Variants in MED22 observed in about 807,000 individuals in gnomAD.
MED22 encodes mediator of RNA polymerase II transcription subunit 22.
In MED22, 22 loss-of-function variants were observed where a neutral mutation model predicts 22.7. The observed-to-expected ratio is 0.97, with a 90% CI of 0.69 to 1.38. The LOEUF (loss-of-function observed/expected upper bound fraction) is 1.38, where lower values mean the gene tolerates loss of function less well. Among genes scored for constraint, MED22 ranks in the 40% most tolerant of loss-of-function variants. The pLI is 0.00. For synonymous variants in MED22, 134 were observed against 119.4 expected (o/e 1.12, Z -0.80); for missense variants, 247 against 263.0 (o/e 0.94, Z 0.42).
chr9:133,342,520 AGGC>A, intron 4 of MED22: 2 of 986,744 alleles, frequency 2.0e-6, no homozygotes, highest in Non-Finnish European at 2.4e-6. Context: ...GAGAGGGGGC[AGGC>A]GAGCACAGAG....
intron 3 of MED22, among the ~76,000 whole-genome samples, chr9:133,344,908 C>T (rs1836136789): frequency 6.6e-6 from 1 of 152,242 alleles, no homozygotes; most frequent in Non-Finnish European, 1.5e-5. Context: ...TGCACGGCTA[C>T]AGGACGGGCA....
At position 133,338,843 on chromosome 9, in the gene MED22, T is replaced by C. The variant is rs1303748598; in HGVS notation, c.*2662A>G. The C allele has an allele frequency of 2.5e-6, 1 of 406,312 alleles. No individual in the cohort carries two copies. Among genetic ancestry groups the C allele is most frequent in the Non-Finnish European group, 4.8e-6 (1 of 209,834 alleles). The allele number at this position is 406,312 out of a possible 1,614,324, so 25.2% of individuals were successfully genotyped here. A position where few individuals can be genotyped will look rare whatever the true frequency, so the allele number is the denominator to read the frequency against. On this transcript the variant is annotated 3_prime_UTR_variant, in exon 5 of 5. Coordinates refer to ENST00000343730, the MANE Select transcript of MED22 (RefSeq NM_133640.5). ...ATCCACCCGCTTTGGCTTCTCAAAG[T>C]GCTGGGATTACAGCAGGAGCCACTG...
rs1285087282 is a variant in MED22, at chr9:133,347,922, C to A, written c.-39G>T. 3 of 223,190 alleles carry A rather than the reference C, an allele frequency of 1.3e-5. No homozygotes were observed. The highest frequency in any genetic ancestry group is 2.7e-5 in the Non-Finnish European group (3 of 110,770). 13.8% of individuals were successfully genotyped at this position (223,190 alleles called of 1,614,324 possible). ...CCCACCCCCCACCACACCCTCATAC[C>A]CGCCCCAGCGCCCGCACACCAGACG... On this transcript the variant is annotated splice_region_variant and 5_prime_UTR_variant, in exon 1 of 5. Transcript: ENST00000343730.
chr9:133,341,893 C>T (rs1040339854), intron 4 of MED22, 199 bp from the exon 5 acceptor site: 29 of 1,359,448 alleles, frequency 2.1e-5, no homozygotes, highest in Admixed American at 4.0e-5. Context: ...TGAGAGCCAC[C>T]CTAGCATTCT....
At chr9:133,341,893 C>G in intron 4 of MED22, 199 bp from the exon 5 acceptor site, 2 of 1,359,566 alleles carry the variant, frequency 1.5e-6, no homozygotes, top group African/African-American at 1.5e-5. Flanking sequence ...TGAGAGCCAC[C>G]CTAGCATTCT....
chr9:133,342,363 G>A (rs1314854871), intron 4 of MED22: 54 of 986,092 alleles, frequency 5.5e-5, no homozygotes, highest in Admixed American at 1.2e-4. Flanking sequence ...GCAGGCAGGG[G>A]CCCTGGCTTT....
intron 4 of MED22, chr9:133,343,056 C>A (rs1309208115): frequency 2.0e-6 from 2 of 990,102 alleles, no homozygotes; most frequent in Non-Finnish European, 2.4e-6. Context: ...TGCCTCATGT[C>A]TGCTGAGTTA....
At chr9:133,344,598 G>A (rs1836127668) in intron 3 of MED22, among the ~76,000 whole-genome samples, 1 of 152,222 alleles carries the variant, frequency 6.6e-6, no homozygotes, top group Non-Finnish European at 1.5e-5. Flanking sequence ...CAATTATGCA[G>A]GTGTACATTC....
At chr9:133,342,068 T>A in intron 4 of MED22, 6 of 1,093,874 alleles carry the variant, frequency 5.5e-6, no homozygotes, top group Non-Finnish European at 6.7e-6. Flanking sequence ...CCCTCCTCCC[T>A]GACTGCAGAA....
rs2129958039 is a variant in MED22, at chr9:133,343,808, A to C, written c.413+317T>G. ...GCACAGCCCCAGAACGCACTGCCCG[A>C]GGAGGAAGGCTCTCGGAAGAGGGCC... On this transcript the variant is annotated intron_variant, in intron 4 of 4. Transcript: ENST00000343730. 7.7e-4 allele frequency: 1,077 copies of C among 1,398,636 alleles called. 2 individuals are homozygous for C. Among genetic ancestry groups the C allele is most frequent in the Middle Eastern group, 2.1e-3 (8 of 3,790 alleles). 86.6% of individuals were successfully genotyped at this position (1,398,636 alleles called of 1,614,324 possible). A position where few individuals can be genotyped will look rare whatever the true frequency, so the allele number is the denominator to read the frequency against.
chr9:133,347,656 G>T (rs1836228106), intron 1 of MED22: 1 of 152,160 alleles, frequency 6.6e-6, no homozygotes, highest in African/African-American at 2.4e-5. Flanking sequence ...CGGCCTCGGC[G>T]CTGGAGTTGC....
intron 4 of MED22, chr9:133,342,909 C>A: frequency 1.0e-6 from 1 of 985,676 alleles, no homozygotes. Context: ...AGGCCCACAG[C>A]TGCTCTGTGC....
At position 133,340,129 on chromosome 9, in the gene MED22, C is replaced by T. The variant is rs1331334465; in HGVS notation, c.*1376G>A. On this transcript the variant is annotated 3_prime_UTR_variant, in exon 5 of 5. Coordinates refer to ENST00000343730, the MANE Select transcript of MED22 (RefSeq NM_133640.5). ...AGTGGTTAAGTACAAGGCATTTCCA[C>T]AGCTAAAATAGTGCGGGAACAGATC... 1 of 152,254 alleles carries T rather than the reference C, an allele frequency of 6.6e-6. No homozygotes were observed. Among genetic ancestry groups the T allele is most frequent in the African/African-American group, 2.4e-5 (1 of 41,428 alleles). 9.4% of individuals were successfully genotyped at this position (152,254 alleles called of 1,614,324 possible).
At chr9:133,346,484 C>T (rs1836182772) in intron 2 of MED22, 56 bp downstream of exon 2, 5 of 1,605,262 alleles carry the variant, frequency 3.1e-6, no homozygotes, top group East Asian at 2.2e-5. Context: ...CCTGGCCTCT[C>T]CTGTCTCCAC....
Position 133,345,204 on chromosome 9 carries a change from T to C in MED22, c.172A>G (p.Asn58Asp). 6.2e-7 allele frequency: 1 copy of C among 1,614,004 alleles called. No homozygotes were observed. Among genetic ancestry groups the C allele is most frequent in the South Asian group, 1.1e-5 (1 of 91,066 alleles). ...VSRATQGEQD[N>D]YEMHVRAANI... ...GCGGCTCGCACATGCATCTCGTAAT[T>C]GTCCTGTTCACCCTGAGTGGCCCGT... Residue 58 changes from asparagine to aspartate, a missense_variant, in exon 3 of 5, where the codon AAT (asparagine) becomes GAT (aspartate). By Grantham distance (23) the Asn-to-Asp change is conservative. Transcript: ENST00000343730.
chr9:133,346,689 G>A lies in MED22; in HGVS notation c.-27C>T, dbSNP rs1836194177. 6.2e-7 allele frequency: 1 copy of A among 1,607,448 alleles called. No individual in the cohort carries two copies. The highest frequency in any genetic ancestry group is 1.3e-5 in the African/African-American group (1 of 74,912). On this transcript the variant is annotated 5_prime_UTR_variant, in exon 2 of 5. Coordinates refer to ENST00000343730, the MANE Select transcript of MED22 (RefSeq NM_133640.5). ...GCCGAGCCTCAAGCAGCGCAGCGGG[G>A]AGACCTGGGACCTAGAGTGCAGCAC...
At chr9:133,344,910 G>C (rs1486034009) in intron 3 of MED22, among the ~76,000 whole-genome samples, 2 of 152,212 alleles carry the variant, frequency 1.3e-5, no homozygotes, top group East Asian at 3.9e-4. Flanking sequence ...CACGGCTACA[G>C]GACGGGCATG....
Position 133,348,099 on chromosome 9 carries a change from C to T in MED22, c.-216G>A. On this transcript the variant is annotated 5_prime_UTR_variant, in exon 1 of 5. Transcript: ENST00000343730. Reference sequence around the variant, plus strand: ...AACCTAGTCAGCCGCCGCAGCCTCTCGGCCCCGCCTCGATTTTTAGCTTTA... The same window carrying T: ...AACCTAGTCAGCCGCCGCAGCCTCTTGGCCCCGCCTCGATTTTTAGCTTTA... 8.2e-7 allele frequency: 1 copy of T among 1,220,982 alleles called. No homozygotes were observed. The highest frequency in any genetic ancestry group is 1.2e-6 in the Non-Finnish European group (1 of 834,552). The allele number at this position is 1,220,982 out of a possible 1,614,324, so 75.6% of individuals were successfully genotyped here. A position where few individuals can be genotyped will look rare whatever the true frequency, so the allele number is the denominator to read the frequency against.
In MED22 at chr9:133,344,120, T is replaced by C; in HGVS notation, c.413+5A>G. 1.2e-6 allele frequency: 2 copies of C among 1,614,118 alleles called. No homozygotes were observed. Among genetic ancestry groups the C allele is most frequent in the Non-Finnish European group, 8.5e-7 (1 of 1,180,026 alleles). ...TCTGCATGGGGAGTCCAGCGCTATT[T>C]ATACCTGGACGAGTAATACTCCTCC... On this transcript the variant is annotated splice_donor_5th_base_variant and intron_variant, in intron 4 of 4. Coordinates refer to ENST00000343730, the MANE Select transcript of MED22 (RefSeq NM_133640.5).
Sources: allele counts gnomAD v4.1 joint callset (sites outside exome capture counted in the v4.1 genomes callset), GRCh38; gene constraint gnomAD v4.1.1; transcripts MANE v1.5; gene names NCBI Gene and HGNC (gene_info 2026-07-23, HGNC 2026-07-21).